CES4A: variants seen among roughly 807,000 people sequenced by gnomAD.
CES4A encodes carboxylesterase 4A.
A neutral mutation model predicts 65.4 loss-of-function variants in CES4A; 48 were observed. The observed-to-expected ratio is 0.73, with a 90% CI of 0.58 to 0.93. The LOEUF is 0.93. CES4A is among the 40% of genes least tolerant of loss of function. The pLI is 0.00. For missense variants in CES4A, 685 were observed against 728.5 expected (o/e 0.94, Z 0.69); for synonymous variants, 247 against 281.8 (o/e 0.88, Z 1.24).
Position 67,000,935 on chromosome 16 carries a change from G to A in CES4A, c.481G>A (p.Glu161Lys). Residue 161 changes from glutamate to lysine, a missense_variant, in exon 4 of 14, where the codon GAG becomes AAG. By Grantham distance (56) the Glu-to-Lys change is moderately conservative. Coordinates refer to ENST00000648724, the Ensembl canonical transcript of CES4A. This position sits in a 1 kb window ranked among gnomAD's most constrained non-coding sequence, Gnocchi z 4.2. ...CGAGGGCTCTGACTTGGCCGCCCGC[G>A]AGAAAGTGGTGCTGGTGTTTCTGCA... 6.2e-7 allele frequency: 1 copy of A among 1,613,432 alleles called. No individual in the cohort carries two copies.
Position 66,990,047 on chromosome 16 carries a change from C to CTTT in CES4A, c.58+1236_58+1238dup, listed in dbSNP as rs1009395226. 1.1e-3 allele frequency among the ~76,000 whole-genome samples: 129 copies of CTTT among 121,420 alleles called. 3 individuals are homozygous for CTTT. Among genetic ancestry groups the CTTT allele is most frequent in the Middle Eastern group, 5.0e-3 (1 of 200 alleles). The allele number at this position is 121,420 out of a possible 152,430, so 79.7% of individuals were successfully genotyped here. On this transcript the variant is annotated intron_variant, in intron 1 of 13. Coordinates refer to ENST00000648724, the Ensembl canonical transcript of CES4A. ...TTGGCGCATTTTCTTTTCATCTTTT[C>CTTT]TTTTTTTTTTTTTTTTTTTTTGAGA... is the stretch of plus-strand genomic sequence containing the variant.
chr16:66,999,040 C>T (rs534745229), intron 2 of CES4A, among the ~76,000 whole-genome samples: 22 of 152,282 alleles, frequency 1.4e-4, no homozygotes, highest in African/African-American at 5.1e-4. Flanking sequence ...TGTTCATAAT[C>T]CCAGTTCCCA....
At chr16:66,996,764 A>T (rs1964889440) in intron 2 of CES4A, among the ~76,000 whole-genome samples, 1 of 152,206 alleles carries the variant, frequency 6.6e-6, no homozygotes, top group Non-Finnish European at 1.5e-5. Context: ...TGTTAAAAAC[A>T]GGTTGTTGGC....
chr16:66,992,639 A>G (rs1419790558), intron 1 of CES4A, among the ~76,000 whole-genome samples: 1 of 152,170 alleles, frequency 6.6e-6, no homozygotes, highest in African/African-American at 2.4e-5. Flanking sequence ...GGACCGGAGC[A>G]CAGAACAATT....
intron 11 of CES4A, 74 bp downstream of exon 11, chr16:67,005,467 A>T: frequency 7.0e-7 from 1 of 1,427,424 alleles, no homozygotes; most frequent in Non-Finnish European, 9.7e-7. Context: ...AACTGGGCTT[A>T]TCGACTGCTC....
intron 10 of CES4A, 45 bp downstream of exon 10, chr16:67,004,918 A>AC: frequency 6.9e-7 from 1 of 1,451,718 alleles, no homozygotes. Context: ...GACAGGGTTG[A>AC]CCCCCCTGTT....
Position 67,005,779 on chromosome 16 carries a change from G to C in CES4A, c.1315+386G>C, listed in dbSNP as rs552202608. ...CAGGAGAATCGCTTGAACCTGGGAG[G>C]GGGAGGTTGCAGTGAGCCGACATCA... On this transcript the variant is annotated intron_variant, in intron 11 of 13. Coordinates refer to ENST00000648724, the Ensembl canonical transcript of CES4A. 21 of 187,830 alleles carry C rather than the reference G, an allele frequency of 1.1e-4. 1 individual carries two copies. The South Asian group carries it at 2.4e-3, about 22-fold the overall frequency. The allele number at this position is 187,830 out of a possible 1,614,324, so 11.6% of individuals were successfully genotyped here.
chr16:66,996,773 G>A lies in CES4A; in HGVS notation c.260+944G>A, dbSNP rs529816367. 5.9e-5 allele frequency among the ~76,000 whole-genome samples: 9 copies of A among 152,268 alleles called. No homozygotes were observed. In the South Asian group the frequency reaches 1.9e-3, roughly 32 times the overall value. The stretch of plus-strand genomic sequence containing the variant: ...TCTAGCTGTTAAAAACAGGTTGTTG[G>A]CTGGGCACAGTGGCTCACACTTGTA... On this transcript the variant is annotated intron_variant, in intron 2 of 13. Coordinates refer to ENST00000648724, the Ensembl canonical transcript of CES4A.
At chr16:66,994,902 G>A (rs939543491) in intron 1 of CES4A, among the ~76,000 whole-genome samples, 5 of 151,990 alleles carry the variant, frequency 3.3e-5, no homozygotes, top group Non-Finnish European at 7.4e-5. Flanking sequence ...TACTCAGGAG[G>A]CTGGAGCAGG....
chr16:66,997,902 G>A (rs1305715259), intron 2 of CES4A, among the ~76,000 whole-genome samples: 2 of 151,072 alleles, frequency 1.3e-5, no homozygotes, highest in Admixed American at 6.6e-5. Flanking sequence ...GGTTATGATC[G>A]TGCCACTCAC....
At chr16:67,006,587 C>A in intron 12 of CES4A, 68 bp downstream of exon 12, 1 of 1,565,512 alleles carries the variant, frequency 6.4e-7, no homozygotes, top group East Asian at 2.3e-5. Context: ...AGACCCACCC[C>A]TCCATTGGCT....
chr16:66,999,773 C>G (rs535675136), intron 2 of CES4A, among the ~76,000 whole-genome samples: 2 of 152,314 alleles, frequency 1.3e-5, no homozygotes, highest in African/African-American at 2.4e-5. Flanking sequence ...TACACTCCAG[C>G]CTGGGCAACA....
chr16:66,989,233 T>C (rs1014615817), intron 1 of CES4A, among the ~76,000 whole-genome samples: 64 of 152,172 alleles, frequency 4.2e-4, no homozygotes, highest in Non-Finnish European at 1.5e-4. Context: ...CTTTTTAAAA[T>C]GAGTACTACA....
Position 66,993,728 on chromosome 16 carries a change from G to A in CES4A, c.59-1900G>A, listed in dbSNP as rs576403390. 1.1e-4 allele frequency among the ~76,000 whole-genome samples: 17 copies of A among 152,330 alleles called. No homozygotes were observed. In the East Asian group the frequency reaches 1.5e-3, roughly 14 times the overall value. Reference sequence around the variant, plus strand: ...GCATGTACATGTGAGTATTAGATGCGAGTATGCATATGAGTAAGAATGCAT... The same window carrying A: ...GCATGTACATGTGAGTATTAGATGCAAGTATGCATATGAGTAAGAATGCAT... On this transcript the variant is annotated intron_variant, in intron 1 of 13. Transcript: ENST00000648724.
At chr16:67,008,698 CCA>C in intron 13 of CES4A, 20 of 346,746 alleles carry the variant, frequency 5.8e-5, no homozygotes, top group South Asian at 1.1e-4. Context: ...CCAGGCCTGG[CCA>C]CACACACACT....
rs988727907 is a variant in CES4A, at chr16:67,000,815, G to T, written c.402+36G>T. 5.2e-6 allele frequency: 8 copies of T among 1,553,080 alleles called. No homozygotes were observed. Among genetic ancestry groups the T allele is most frequent in the Middle Eastern group, 1.7e-4 (1 of 5,944 alleles). On this transcript the variant is annotated intron_variant, in intron 3 of 13. Transcript: ENST00000648724. This position sits in a 1 kb window ranked among gnomAD's most constrained non-coding sequence, Gnocchi z 4.2. ...GGTCTCCCGCGCCCGCGGTCCCACC[G>T]CCGCCCACCGCCCCGCTCAGATCCC... is the stretch of plus-strand genomic sequence containing the variant.
chr16:67,002,300 G>A (rs1291595202), intron 5 of CES4A, among the ~76,000 whole-genome samples: 1 of 152,166 alleles, frequency 6.6e-6, no homozygotes, highest in Non-Finnish European at 1.5e-5. Context: ...ATTGTAAGCA[G>A]CAAAGTGACA....
rs907853853 is a variant in CES4A at position 67,000,041 on chromosome 16, G to A, written c.261-597G>A. ...GGAAAGGAGGGCCTGGGTACTCCGC[G>A]TATCTTAACTTTATCCTGAGGGCAG... On this transcript the variant is annotated intron_variant, in intron 2 of 13. Transcript: ENST00000648724. This position sits in a 1 kb window ranked among gnomAD's most constrained non-coding sequence, Gnocchi z 4.2. Among the ~76,000 whole-genome samples the A allele has an allele frequency of 2.0e-5, 3 of 152,192 alleles. No individual in the cohort carries two copies. The highest frequency in any genetic ancestry group is 2.0e-4 in the Admixed American group (3 of 15,282).
chr16:66,995,594 G>C, intron 1 of CES4A, 34 bp from the exon 2 acceptor site: 1 of 1,589,280 alleles, frequency 6.3e-7, no homozygotes, highest in Non-Finnish European at 8.6e-7. Flanking sequence ...CTGGGTGACT[G>C]AGCAGAGGTG....
Sources: allele counts gnomAD v4.1 joint callset (sites outside exome capture counted in the v4.1 genomes callset), GRCh38; gene constraint gnomAD v4.1.1; non-coding constraint Gnocchi (gnomAD v3.1); transcripts MANE v1.5; gene names NCBI Gene and HGNC (gene_info 2026-07-23, HGNC 2026-07-21).